The following POLR1D variants were observed in gnomAD, a reference collection of about 807,000 sequenced individuals.
The protein encoded by POLR1D is DNA-directed RNA polymerases I and III subunit RPAC2.
POLR1D carries 8 observed loss-of-function variants against 10.8 expected under a neutral mutation model. The ratio of observed to expected loss-of-function variants is 0.74; its 90% confidence interval spans 0.43 to 1.33. POLR1D has a LOEUF of 1.33. POLR1D is among the 40% of genes most tolerant of loss of function. POLR1D has a pLI of 0.01. For missense variants in POLR1D, 152 were observed against 161.7 expected (o/e 0.94, Z 0.32); for synonymous variants, 54 against 57.2 (o/e 0.94, Z 0.25).
At chr13:27,655,538 C>T (rs1216694563) in intron 2 of POLR1D, among the ~76,000 whole-genome samples, 1 of 152,144 alleles carries the variant, frequency 6.6e-6, no homozygotes, top group Non-Finnish European at 1.5e-5. Flanking sequence ...TGATTAGATT[C>T]AGGTCAAACT....
chr13:27,642,646 A>G (rs551048424), intron 1 of POLR1D, among the ~76,000 whole-genome samples: 1 of 152,208 alleles, frequency 6.6e-6, no homozygotes, highest in African/African-American at 2.4e-5. Flanking sequence ...TAACTTAACC[A>G]TGTATGTGCC....
At chr13:27,642,177 C>T (rs1593286051) in intron 1 of POLR1D, among the ~76,000 whole-genome samples, 1 of 152,358 alleles carries the variant, frequency 6.6e-6, no homozygotes, top group East Asian at 1.9e-4. Context: ...CCATTTATCT[C>T]TGATCAGTAG....
At chr13:27,638,824 A>C (rs2146583) in intron 1 of POLR1D, among the ~76,000 whole-genome samples, 6,399 of 152,198 alleles carry the variant, frequency 0.042, 451 homozygotes, top group African/African-American at 0.15. Context: ...TTACAGACAA[A>C]GCTTTTGGTG....
chr13:27,665,935 G>A (rs1340340237), exon 3 of POLR1D: 2 of 1,614,196 alleles, frequency 1.2e-6, no homozygotes, highest in South Asian at 2.2e-5. Flanking sequence ...AGTACGAAAA[G>A]CGGTCCAACC....
chr13:27,658,212 C>T (rs1434680399), intron 2 of POLR1D, among the ~76,000 whole-genome samples: 1 of 152,174 alleles, frequency 6.6e-6, no homozygotes, highest in African/African-American at 2.4e-5. Context: ...CCGGGTGATT[C>T]TAAAGTGAAC....
Position 27,622,915 on chromosome 13 carries a change from A to G in POLR1D, c.67A>G (p.Arg23Gly), listed in dbSNP as rs1368109089. The G allele has an allele frequency of 6.2e-7, 1 of 1,611,942 alleles. No homozygotes were observed. Among genetic ancestry groups the G allele is most frequent in the East Asian group, 2.2e-5 (1 of 44,880 alleles). The stretch of plus-strand genomic sequence containing the variant: ...GAAGACCTCAATGGCTGAAGGCGAG[A>G]GGAAGACAGCCCTGGAAATGGTCCA... ...GLKTSMAEGERKTALEMVQAA... is the reference protein window; with the variant it reads ...GLKTSMAEGEGKTALEMVQAA... Residue 23 changes from arginine (R) to glycine (G), a missense_variant, in exon 2 of 2, where the codon AGG becomes GGG. Arg to Gly is a moderately radical substitution (Grantham distance 125). Transcript: ENST00000302979.
At chr13:27,627,747 T>TTTTTTTTTTTC (rs1566142755), downstream of POLR1D, among the ~76,000 whole-genome samples, 3 of 135,098 alleles carry the variant, frequency 2.2e-5, no homozygotes, top group Non-Finnish European at 3.2e-5. Context: ...TTTTTTTTTT[T>TTTTTTTTTTTC]TTTGTCCCAT....
chr13:27,652,986 G>A (rs1323328139), intron 2 of POLR1D, among the ~76,000 whole-genome samples: 2 of 121,798 alleles, frequency 1.6e-5, no homozygotes, highest in Admixed American at 2.2e-4. Flanking sequence ...TGCAACCTCT[G>A]CCTCCCTGGT....
chr13:27,661,936 G>A (rs1001449857), intron 2 of POLR1D, among the ~76,000 whole-genome samples: 2 of 152,264 alleles, frequency 1.3e-5, no homozygotes, highest in Middle Eastern at 6.8e-3. Flanking sequence ...GATCCCGGTG[G>A]CAATGGAGAA....
intron 1 of POLR1D, chr13:27,648,139 C>G (rs1251047958): frequency 2.6e-6 from 1 of 380,132 alleles, no homozygotes; most frequent in East Asian, 5.5e-5. Flanking sequence ...ATTTAACTGT[C>G]TCATATCAAA....
At chr13:27,625,321 TA>T (rs999244874), downstream of POLR1D, among the ~76,000 whole-genome samples, 2 of 152,012 alleles carry the variant, frequency 1.3e-5, no homozygotes, top group Admixed American at 1.3e-4. Flanking sequence ...AGAGACACTA[TA>T]AAGAGTTGAA....
chr13:27,621,805 C>T (rs1176838635), upstream of POLR1D: 8 of 615,374 alleles, frequency 1.3e-5, no homozygotes, highest in Non-Finnish European at 2.3e-5. Flanking sequence ...GGGGTGGAGC[C>T]TCATGCCCCG....
At chr13:27,659,488 G>A (rs1285549957) in intron 2 of POLR1D, among the ~76,000 whole-genome samples, 2 of 152,104 alleles carry the variant, frequency 1.3e-5, no homozygotes, top group Admixed American at 1.3e-4. Context: ...CCTGGCTAGC[G>A]AATTGCTGAT....
At chr13:27,637,578 C>T (rs1035601064) in intron 1 of POLR1D, among the ~76,000 whole-genome samples, 1 of 152,180 alleles carries the variant, frequency 6.6e-6, no homozygotes, top group African/African-American at 2.4e-5. Flanking sequence ...TGTTTAAGCG[C>T]TTAACTCTAT....
At chr13:27,649,139 G>A (rs1342321570) in intron 2 of POLR1D, among the ~76,000 whole-genome samples, 1 of 152,182 alleles carries the variant, frequency 6.6e-6, no homozygotes, top group Admixed American at 6.5e-5. Flanking sequence ...GTTGATTCTG[G>A]AATTTATATC....
In POLR1D at chr13:27,663,828, A is replaced by T. The variant is rs1956389081; in HGVS notation, c.102-1858A>T. 6.6e-6 allele frequency among the ~76,000 whole-genome samples: 1 copy of T among 152,190 alleles called. No homozygotes were observed. The highest frequency in any genetic ancestry group is 1.5e-5 in the Non-Finnish European group (1 of 68,048). ...ATTCTTCTGTTGCTGGACATGTTTC[A>T]CCAGCTACTCCTAGCCCTATATATC... On this transcript the variant is annotated intron_variant, in intron 2 of 2. Coordinates refer to the POLR1D transcript ENST00000399697. The surrounding 1 kb of genome is among the most constrained non-coding windows in gnomAD (Gnocchi z 4.1).
At chr13:27,623,471 C>A, downstream of POLR1D, 1 of 986,738 alleles carries the variant, frequency 1.0e-6, no homozygotes, top group Non-Finnish European at 1.4e-6. Context: ...GGTTTCTGTT[C>A]CATGCAACCA....
chr13:27,628,331 G>T (rs997423368), downstream of POLR1D, among the ~76,000 whole-genome samples: 5 of 152,216 alleles, frequency 3.3e-5, no homozygotes, highest in African/African-American at 1.2e-4. Context: ...TAGGGGCCAG[G>T]ATACGGCAGT....
downstream of POLR1D, among the ~76,000 whole-genome samples, chr13:27,625,121 A>G (rs1371766494): frequency 1.3e-5 from 2 of 152,138 alleles, no homozygotes; most frequent in Non-Finnish European, 1.5e-5. Flanking sequence ...AACTGAAGAT[A>G]TTGAACAAAG....
Sources: allele counts gnomAD v4.1 joint callset (sites outside exome capture counted in the v4.1 genomes callset), GRCh38; gene constraint gnomAD v4.1.1; non-coding constraint Gnocchi (gnomAD v3.1); transcripts MANE v1.5; gene names NCBI Gene and HGNC (gene_info 2026-07-23, HGNC 2026-07-21).